Variants in GBP2 observed in about 807,000 individuals in gnomAD.
GBP2 encodes the protein guanylate binding protein 2.
Under a neutral mutation model 60.8 loss-of-function variants are expected in GBP2, and 54 were observed. That is an observed-to-expected ratio of 0.89 (90% confidence interval 0.71 to 1.11). The LOEUF (loss-of-function observed/expected upper bound fraction) is 1.11, where lower values mean the gene tolerates loss of function less well. GBP2 is among the 50% of genes most tolerant of loss of function. GBP2 has a pLI of 0.00. For missense variants in GBP2, 665 were observed against 703.3 expected, an observed-to-expected ratio of 0.95 and a Z score of 0.62; for synonymous variants, 243 against 256.5, an observed-to-expected ratio of 0.95 and a Z score of 0.50.
Position 89,108,258 on chromosome 1 carries a change from T to G in GBP2, c.1693A>C (p.Asn565His). The G allele has an allele frequency of 6.2e-7, 1 of 1,613,492 alleles. No homozygotes were observed. Among genetic ancestry groups the G allele is most frequent in the Non-Finnish European group, 8.5e-7 (1 of 1,179,590 alleles). Residue 565 changes from asparagine (N) to histidine (H), a missense_variant, in exon 11 of 11, where the codon AAT (asparagine) becomes CAT (histidine). Coordinates refer to ENST00000370466, the MANE Select transcript of GBP2 (RefSeq NM_004120.5). ...QERLLKEGFE[N>H]ESKRLQKDIW... Reference sequence around the variant, plus strand: ...TCTTTTTGAAGTCTCTTGCTCTCATTCTCGAATCCCTCCTTGAGAAGGCGT... The same window carrying G: ...TCTTTTTGAAGTCTCTTGCTCTCATGCTCGAATCCCTCCTTGAGAAGGCGT...
intron 5 of GBP2, 70 bp downstream of exon 5, chr1:89,117,507 G>A (rs887675600): frequency 1.5e-6 from 2 of 1,325,792 alleles, no homozygotes; most frequent in Non-Finnish European, 2.1e-6. Flanking sequence ...TTTTAGCACT[G>A]CACAGAAATG....
intron 8 of GBP2, among the ~76,000 whole-genome samples, chr1:89,111,617 G>A (rs1338490341): frequency 3.8e-5 from 3 of 79,090 alleles, no homozygotes; most frequent in Non-Finnish European, 9.0e-5. Context: ...GTTGTCAGAG[G>A]CTGAGGGGGT....
At chr1:89,113,719 T>C (rs1024696576) in intron 7 of GBP2, among the ~76,000 whole-genome samples, 5 of 152,220 alleles carry the variant, frequency 3.3e-5, no homozygotes, top group African/African-American at 7.2e-5. Context: ...AAACAATGTA[T>C]TTTTTAATTT....
Position 89,110,183 on chromosome 1 carries a change from TTC to T in GBP2, c.1444_1445del (p.Glu482LysfsTer6). 1 of 1,613,362 alleles carries T rather than the reference TTC, an allele frequency of 6.2e-7. No individual in the cohort carries two copies. The highest frequency in any genetic ancestry group is 8.5e-7 in the Non-Finnish European group (1 of 1,179,634). Reference protein sequence around the residue: ...ALLQTDQSLSEKEKAIEVERI... With the variant: ...ALLQTDQSLSXKEKAIEVERI... Reference sequence around the variant, plus strand: ...TCTCACCTTCAATCGCTTTTTCCTTTTCTGAGAGTGACTGATCAGTCTGTAGA... The same window carrying T: ...TCTCACCTTCAATCGCTTTTTCCTTTTGAGAGTGACTGATCAGTCTGTAGA... On this transcript the variant is annotated frameshift_variant, in exon 9 of 11. Transcript: ENST00000370466. LOFTEE classifies it high-confidence loss of function.
chr1:89,117,718 A>G lies in GBP2; in HGVS notation c.484T>C (p.Ser162Pro), dbSNP rs758001210. 1 of 1,613,962 alleles carries G rather than the reference A, an allele frequency of 6.2e-7. No individual in the cohort carries two copies. Among genetic ancestry groups the G allele is most frequent in the Non-Finnish European group, 8.5e-7 (1 of 1,179,988 alleles). Reference protein sequence around the residue: ...IKANSSPGNNSVDDSADFVSF... With the variant: ...IKANSSPGNNPVDDSADFVSF... Reference sequence around the variant, plus strand: ...ACAAAGTCAGCTGAGTCGTCTACAGAATTGTTACCAGGTGAGGAGTTTGCC... The same window carrying G: ...ACAAAGTCAGCTGAGTCGTCTACAGGATTGTTACCAGGTGAGGAGTTTGCC... The change falls in exon 5 of 11, where the codon TCT becomes CCT. Residue 162 changes from serine to proline, a missense_variant. By Grantham distance (74) the Ser-to-Pro change is moderately conservative. Coordinates refer to ENST00000370466, the MANE Select transcript of GBP2 (RefSeq NM_004120.5).
intron 6 of GBP2, among the ~76,000 whole-genome samples, chr1:89,116,010 A>AT (rs1198521345): frequency 4.1e-5 from 3 of 73,108 alleles, no homozygotes; most frequent in African/African-American, 6.4e-5. Flanking sequence ...TTAACCATTT[A>AT]TTTAATATAT....
intron 6 of GBP2, among the ~76,000 whole-genome samples, chr1:89,115,244 T>G (rs536432746): frequency 6.6e-6 from 1 of 152,280 alleles, no homozygotes; most frequent in African/African-American, 2.4e-5. Context: ...AGATTTAATA[T>G]CCAAAGTATG....
chr1:89,122,327 G>GT (rs1324685444), intron 1 of GBP2, among the ~76,000 whole-genome samples: 1 of 152,134 alleles, frequency 6.6e-6, no homozygotes. Flanking sequence ...CATTTCACCA[G>GT]TTTCCCACTA....
intron 1 of GBP2, 40 bp from the exon 2 acceptor site, chr1:89,122,023 T>A: frequency 6.7e-7 from 1 of 1,485,054 alleles, no homozygotes; most frequent in East Asian, 2.3e-5. Context: ...AAGCAGTTTT[T>A]AGGTAGTTAG....
intron 4 of GBP2, 125 bp downstream of exon 4, chr1:89,120,054 T>A: frequency 1.5e-6 from 1 of 658,830 alleles, no homozygotes; most frequent in Non-Finnish European, 2.7e-6. Flanking sequence ...TTCAGCATAA[T>A]GAGATTTATT....
chr1:89,114,441 T>G (rs1331854032), intron 6 of GBP2, 145 bp from the exon 7 acceptor site: 38 of 1,022,174 alleles, frequency 3.7e-5, no homozygotes, highest in Non-Finnish European at 5.2e-5. Flanking sequence ...TAACCTCTAA[T>G]CACAGAGGAA....
Position 89,106,804 on chromosome 1 carries a change from A to G in GBP2, c.*1371T>C, listed in dbSNP as rs1330418339. On this transcript the variant is annotated 3_prime_UTR_variant, in exon 11 of 11. Transcript: ENST00000370466. ...TTTGTGAGGCTTAGCTGGAGATGTG[A>G]GCAGCTCAAAGATGCAACTTTTCAT... is the stretch of plus-strand genomic sequence containing the variant. 1 of 152,198 alleles carries G rather than the reference A, an allele frequency of 6.6e-6. No individual in the cohort carries two copies. Among genetic ancestry groups the G allele is most frequent in the Non-Finnish European group, 1.5e-5 (1 of 68,046 alleles). The allele number at this position is 152,198 out of a possible 1,614,324, so 9.4% of individuals were successfully genotyped here. A position where few individuals can be genotyped will look rare whatever the true frequency, so the allele number is the denominator to read the frequency against.
intron 1 of GBP2, among the ~76,000 whole-genome samples, chr1:89,124,449 C>G (rs1053063310): frequency 6.6e-6 from 1 of 152,172 alleles, no homozygotes; most frequent in African/African-American, 2.4e-5. Flanking sequence ...GGAAACTTTT[C>G]ACATTCACGT....
chr1:89,115,426 A>ATAAC (rs1681249648), intron 6 of GBP2, among the ~76,000 whole-genome samples: 1 of 152,188 alleles, frequency 6.6e-6, no homozygotes, highest in South Asian at 2.1e-4. Context: ...CATAAATTAG[A>ATAAC]TAACCTTACC....
At chr1:89,123,545 C>G (rs1249653176) in intron 1 of GBP2, among the ~76,000 whole-genome samples, 1 of 152,150 alleles carries the variant, frequency 6.6e-6, no homozygotes, top group Non-Finnish European at 1.5e-5. Context: ...TTTAAAGTTA[C>G]TAACTCATAA....
chr1:89,122,292 A>G (rs1466176719), intron 1 of GBP2, among the ~76,000 whole-genome samples: 1 of 152,214 alleles, frequency 6.6e-6, no homozygotes, highest in African/African-American at 2.4e-5. Context: ...TGGTAGAGTG[A>G]TAACTAATTT....
In GBP2 at chr1:89,109,637, G is replaced by A. The variant is rs201156919; in HGVS notation, c.1659+40C>T. The A allele has an allele frequency of 3.7e-5, 58 of 1,574,356 alleles. No individual in the cohort carries two copies. In the East Asian group the frequency reaches 4.5e-4, roughly 12 times the overall value. On this transcript the variant is annotated intron_variant, in intron 10 of 10. Transcript: ENST00000370466. ...AACCTTATACTTCATTTTCGATATG[G>A]GGCACTGGAAGAGAAAATTGAGATG...
rs777905188 is a variant in GBP2 at position 89,108,270 on chromosome 1, C to G, written c.1681G>C (p.Glu561Gln). The G allele has an allele frequency of 6.2e-7, 1 of 1,611,908 alleles. No individual in the cohort carries two copies. Among genetic ancestry groups the G allele is most frequent in the East Asian group, 2.2e-5 (1 of 44,852 alleles). The change falls in exon 11 of 11, where the codon GAG becomes CAG. Residue 561 changes from glutamate to glutamine, a missense_variant. Coordinates refer to ENST00000370466, the MANE Select transcript of GBP2 (RefSeq NM_004120.5). The stretch of plus-strand genomic sequence containing the variant: ...CTCTTGCTCTCATTCTCGAATCCCT[C>G]CTTGAGAAGGCGTTCCTGTTCCTAA... The part of the protein sequence containing the change: ...KLQEQERLLK[E>Q]GFENESKRLQ...
intron 1 of GBP2, among the ~76,000 whole-genome samples, chr1:89,122,953 A>C (rs867431620): frequency 3.9e-5 from 6 of 152,126 alleles, no homozygotes; most frequent in African/African-American, 1.2e-4. Context: ...TACTTATTTA[A>C]TCATTTAGTT....
Sources: gnomAD v4.1 joint callset for allele counts (sites outside exome capture counted in the v4.1 genomes callset) on GRCh38, gnomAD v4.1.1 for gene constraint, MANE v1.5 for transcripts, NCBI Gene and HGNC (gene_info 2026-07-23, HGNC 2026-07-21) for gene names.